IQSEC1: variants seen among roughly 807,000 people sequenced by gnomAD.
IQSEC1 encodes IQ motif and Sec7 domain ArfGEF 1, also known as IQ motif and SEC7 domain-containing protein 1.
IQSEC1 carries 31 observed loss-of-function variants against 91.0 expected under a neutral mutation model. The ratio of observed to expected loss-of-function variants is 0.34; its 90% CI spans 0.26 to 0.46. IQSEC1 has a LOEUF of 0.46. Among genes scored for constraint, IQSEC1 ranks in the 20% least tolerant of loss-of-function variants. IQSEC1 has a pLI of 1.00. For missense variants in IQSEC1, 1,388 were observed against 1,575.6 expected (o/e 0.88, Z 2.02); for synonymous variants, 699 against 662.6 (o/e 1.05, Z -0.84).
At chr3:12,962,587 C>T (rs1700310045) in intron 1 of IQSEC1, among the ~76,000 whole-genome samples, 1 of 152,234 alleles carries the variant, frequency 6.6e-6, no homozygotes, top group South Asian at 2.1e-4. Context: ...GATTCAAAAG[C>T]CCTAGCCTTG....
chr3:13,213,043 T>C (rs1694475719), intron 1 of IQSEC1, among the ~76,000 whole-genome samples: 1 of 152,234 alleles, frequency 6.6e-6, no homozygotes, highest in Non-Finnish European at 1.5e-5. Flanking sequence ...AGCATAAACG[T>C]TTTTAACTTT....
intron 1 of IQSEC1, among the ~76,000 whole-genome samples, chr3:13,247,597 T>A (rs13317738): frequency 0.036 from 5,464 of 152,306 alleles, 253 homozygotes; most frequent in African/African-American, 0.11. Flanking sequence ...TCTCATAATT[T>A]TCACTCCATG....
chr3:13,174,354 G>C (rs1212701508), intron 1 of IQSEC1, among the ~76,000 whole-genome samples: 4 of 152,136 alleles, frequency 2.6e-5, no homozygotes, highest in African/African-American at 9.7e-5. Context: ...AACTCACGTG[G>C]CCAGCTGGAA....
chr3:13,136,073 C>T (rs1433814185), intron 2 of IQSEC1, among the ~76,000 whole-genome samples: 1 of 152,198 alleles, frequency 6.6e-6, no homozygotes, highest in Non-Finnish European at 1.5e-5. Context: ...CCCACAGGGC[C>T]GCCTGCGGGA....
chr3:13,227,153 A>T (rs1694767351), intron 1 of IQSEC1, among the ~76,000 whole-genome samples: 1 of 152,028 alleles, frequency 6.6e-6, no homozygotes, highest in Non-Finnish European at 1.5e-5. Context: ...AGGCAGGTGG[A>T]TCACCTGAGT....
chr3:13,250,872 C>G (rs2125116017), intron 1 of IQSEC1, among the ~76,000 whole-genome samples: 1 of 152,216 alleles, frequency 6.6e-6, no homozygotes, highest in African/African-American at 2.4e-5. Flanking sequence ...GCAGTGGCCT[C>G]TCTGGGCTCC....
intron 2 of IQSEC1, among the ~76,000 whole-genome samples, chr3:13,132,435 G>C (rs539414882): frequency 1.6e-4 from 25 of 152,268 alleles, no homozygotes; most frequent in African/African-American, 5.8e-4. Context: ...TCACGAGCTG[G>C]GCAGTACTCA....
chr3:13,036,996 T>C (rs552556576), intron 1 of IQSEC1, among the ~76,000 whole-genome samples: 1 of 152,256 alleles, frequency 6.6e-6, no homozygotes, highest in Admixed American at 6.5e-5. Flanking sequence ...GGCCTGGAAC[T>C]ACACAGACCA....
At chr3:12,941,476 G>C in intron 2 of IQSEC1, 95 bp downstream of exon 2, 1 of 1,272,898 alleles carries the variant, frequency 7.9e-7, no homozygotes, top group Non-Finnish European at 1.1e-6. Context: ...TCAAGTCTAT[G>C]GGAGAGATCT....
intron 2 of IQSEC1, among the ~76,000 whole-genome samples, chr3:12,939,981 T>C (rs1391359471): frequency 2.0e-5 from 3 of 152,142 alleles, no homozygotes; most frequent in Non-Finnish European, 4.4e-5. Context: ...ATAGTGGGCG[T>C]TCAGATAATA....
chr3:13,108,238 G>A (rs942175740), intron 2 of IQSEC1, among the ~76,000 whole-genome samples: 33 of 152,048 alleles, frequency 2.2e-4, no homozygotes, highest in East Asian at 7.7e-4. Context: ...TTCTAACAAC[G>A]CCCTTATACC....
Position 12,909,195 on chromosome 3 carries a change from G to T in IQSEC1, c.2578+78C>A. On this transcript the variant is annotated intron_variant, in intron 11 of 13. Transcript: ENST00000613206. This position sits in a 1 kb window ranked among gnomAD's most constrained non-coding sequence, Gnocchi z 4.9. ...ACATCTTGTCTCTGTGAGCTCAGAA[G>T]TCACTGCCCTGACATGGGGAGGCAA... The T allele has an allele frequency of 6.8e-7, 1 of 1,470,678 alleles. No individual in the cohort carries two copies. The highest frequency in any genetic ancestry group is 9.4e-7 in the Non-Finnish European group (1 of 1,065,536). The allele number at this position is 1,470,678 out of a possible 1,614,324, so 91.1% of individuals were successfully genotyped here.
intron 2 of IQSEC1, among the ~76,000 whole-genome samples, chr3:13,127,300 G>C (rs1408166218): frequency 6.6e-6 from 1 of 152,130 alleles, no homozygotes; most frequent in African/African-American, 2.4e-5. Context: ...TGTAATCCCA[G>C]CTACTTGGGA....
intron 13 of IQSEC1, among the ~76,000 whole-genome samples, chr3:12,901,890 G>T (rs544508915): frequency 6.6e-6 from 1 of 152,286 alleles, no homozygotes; most frequent in African/African-American, 2.4e-5. Flanking sequence ...TGTGTGTGGC[G>T]AGTGCAGAGG....
chr3:13,079,522 G>T (rs995146910), intron 2 of IQSEC1, among the ~76,000 whole-genome samples: 1 of 152,248 alleles, frequency 6.6e-6, no homozygotes, highest in African/African-American at 2.4e-5. Context: ...AGGGCTGTGA[G>T]AGGCAGGCCC....
Position 12,902,770 on chromosome 3 carries a change from T to TA in IQSEC1, c.2805+2dup. Reference sequence around the variant, plus strand: ...CAGCTGGACAGAGGCGCTTCCTACTTACTTCCACATTGCTCTCTAGCGATC... The same window carrying TA: ...CAGCTGGACAGAGGCGCTTCCTACTTAACTTCCACATTGCTCTCTAGCGATC... On this transcript the variant is annotated splice_region_variant and intron_variant, in intron 13 of 13. Coordinates refer to ENST00000613206, the MANE Select transcript of IQSEC1 (RefSeq NM_001134382.3). 6.2e-7 allele frequency: 1 copy of TA among 1,606,430 alleles called. No individual in the cohort carries two copies. Among genetic ancestry groups the TA allele is most frequent in the Non-Finnish European group, 8.5e-7 (1 of 1,175,486 alleles).
chr3:13,183,409 T>C (rs1693879274), intron 1 of IQSEC1, among the ~76,000 whole-genome samples: 1 of 150,142 alleles, frequency 6.7e-6, no homozygotes, highest in South Asian at 2.1e-4. Flanking sequence ...CCATTAAAAA[T>C]ACAAAAATTA....
At chr3:13,142,454 T>C (rs1461694260) in intron 2 of IQSEC1, among the ~76,000 whole-genome samples, 1 of 152,228 alleles carries the variant, frequency 6.6e-6, no homozygotes, top group African/African-American at 2.4e-5. Context: ...CCAAGGATGT[T>C]GGATCCCGCA....
intron 1 of IQSEC1, among the ~76,000 whole-genome samples, chr3:13,069,460 A>C (rs976882658): frequency 1.3e-5 from 2 of 152,176 alleles, no homozygotes; most frequent in Admixed American, 6.5e-5. Context: ...GGGGAGACCC[A>C]CCAGGGCTTC....
Sources: allele counts gnomAD v4.1 joint callset (sites outside exome capture counted in the v4.1 genomes callset), GRCh38; gene constraint gnomAD v4.1.1; non-coding constraint Gnocchi (gnomAD v3.1); transcripts MANE v1.5; gene names NCBI Gene and HGNC (gene_info 2026-07-23, HGNC 2026-07-21).